The following NEB variants were observed in gnomAD, a reference collection of about 807,000 sequenced individuals.
NEB encodes nebulin.
Under a neutral mutation model 952.2 loss-of-function variants are expected in NEB, and 512 were observed. The observed-to-expected ratio is 0.54, with a 90% CI of 0.50 to 0.58. The LOEUF is 0.58. NEB is among the 20% of genes least tolerant of loss of function. The probability of loss-of-function intolerance (pLI) is 0.00; values close to 1 mark genes in which losing one functional copy is unlikely to be tolerated. For missense variants in NEB, 8,428 were observed against 9,231.1 expected, an observed-to-expected ratio of 0.91 and a Z score of 3.56; for synonymous variants, 2,900 against 3,149.8, an observed-to-expected ratio of 0.92 and a Z score of 2.66.
chr2:151,691,912 T>C lies in NEB; in HGVS notation c.2163A>G (p.Thr721=), dbSNP rs1167093176. The change falls in exon 23 of 182, where the codon ACA becomes ACG. Residue 721 remains threonine, a synonymous_variant. Transcript: ENST00000397345. ...EDKGKCYFPQ[T]ITQEYEAIKK... ...TGATTGCTTCATATTCTTGTGTTAT[T>C]GTCTGAGGGAAATAGCATTTTCCTT... 5 of 1,607,330 alleles carry C rather than the reference T, an allele frequency of 3.1e-6. No homozygotes were observed. The highest frequency in any genetic ancestry group is 4.3e-6 in the Non-Finnish European group (5 of 1,175,918).
rs370518330 is a variant in NEB at position 151,516,496 on chromosome 2, T to A, written c.22868A>T (p.Tyr7623Phe). 1 of 1,613,422 alleles carries A rather than the reference T, an allele frequency of 6.2e-7. No homozygotes were observed. Among genetic ancestry groups the A allele is most frequent in the Non-Finnish European group, 8.5e-7 (1 of 1,179,590 alleles). ...CTGCTGAGACTCTTTGGCAGTGATG[T>A]ACGTTGGTGTTTCAAAGTCCAGCAT... is the stretch of plus-strand genomic sequence containing the variant. ...KPMLDFETPT[Y>F]ITAKESQQMQ... Residue 7623 changes from tyrosine (Y) to phenylalanine (F), a missense_variant, in exon 157 of 182, where the codon TAC becomes TTC. Transcript: ENST00000397345.
intron 9 of NEB, among the ~76,000 whole-genome samples, chr2:151,720,869 T>C (rs2099772339): frequency 6.6e-6 from 1 of 152,228 alleles, no homozygotes; most frequent in Non-Finnish European, 1.5e-5. Context: ...TTTGTTCTGA[T>C]GACTCTCAAA....
rs770338556 is a variant in NEB, at chr2:151,644,113, C to T, written c.7661G>A (p.Gly2554Asp). The change falls in exon 57 of 182, where the codon GGC becomes GAC. Residue 2554 changes from glycine (G) to aspartate (D), a missense_variant. Physicochemically the swap from Gly to Asp is moderately conservative, Grantham distance 94. Coordinates refer to ENST00000397345, the MANE Select transcript of NEB (RefSeq NM_001164508.2). ...GTGGTGGCCGAGCTGCTTGCGAAAG[C>T]CTTCCTTGTACTTGTACTAGAGAAA... ...EIASEYKYKE[G>D]FRKQLGHHIG... 19 of 1,613,702 alleles carry T rather than the reference C, an allele frequency of 1.2e-5. No individual in the cohort carries two copies. The highest frequency in any genetic ancestry group is 1.5e-5 in the Non-Finnish European group (18 of 1,179,774).
At position 151,671,081 on chromosome 2, in the gene NEB, C is replaced by T. The variant is rs1417148362; in HGVS notation, c.4448G>A (p.Ser1483Asn). 6.2e-7 allele frequency: 1 copy of T among 1,614,022 alleles called. No individual in the cohort carries two copies. The highest frequency in any genetic ancestry group is 1.1e-5 in the South Asian group (1 of 91,080). ...RQHPDTVKFT[S>N]VPDSMGMVLA... is the part of the protein sequence containing the mutation. ...CACCATGCCCATGGAATCAGGCACACTTGTGAACTTGACGGTATCTGGGTG... is the reference window on the plus strand; with the variant it reads ...CACCATGCCCATGGAATCAGGCACATTTGTGAACTTGACGGTATCTGGGTG... Residue 1483 changes from serine (S) to asparagine (N), a missense_variant, in exon 38 of 182, where the codon AGT becomes AAT. Ser to Asn is a conservative substitution (Grantham distance 46). Transcript: ENST00000397345.
chr2:151,500,032 AAGAAAATAATT>A (rs1207313106), intron 168 of NEB, among the ~76,000 whole-genome samples: 2 of 152,246 alleles, frequency 1.3e-5, no homozygotes, highest in African/African-American at 4.8e-5. Flanking sequence ...TGTAGTATAC[AAGAAAATAATT>A]AGAAAATAAT....
Position 151,656,217 on chromosome 2 carries a change from T to C in NEB, c.6431A>G (p.Tyr2144Cys). Residue 2144 changes from tyrosine to cysteine, a missense_variant, in exon 49 of 182, where the codon TAC becomes TGC. Around this residue, in one of 11 missense-constraint regions of NEB, gnomAD observed 2,851 missense variants for 2,791.5 expected, o/e 1.02. Transcript: ENST00000397345. ...NTNYKHLIHKYILLPDAMNIE... is the reference protein window; with the variant it reads ...NTNYKHLIHKCILLPDAMNIE... ...GTTCATTGCATCTGGAAGGAGGATG[T>C]ACTTGTGAATCAGGTGCTTGTAGTT... 6.2e-7 allele frequency: 1 copy of C among 1,612,786 alleles called. No homozygotes were observed. The highest frequency in any genetic ancestry group is 8.5e-7 in the Non-Finnish European group (1 of 1,179,114).
chr2:151,702,625 C>T (rs2099679219), intron 13 of NEB, among the ~76,000 whole-genome samples: 1 of 151,766 alleles, frequency 6.6e-6, no homozygotes, highest in Non-Finnish European at 1.5e-5. Context: ...ATGTAATGGC[C>T]TTCTTTGTCT....
intron 144 of NEB, among the ~76,000 whole-genome samples, 193 bp from the exon 145 acceptor site, chr2:151,531,294 C>CTCTTTTTTTCTT: frequency 6.8e-6 from 1 of 147,280 alleles, no homozygotes; most frequent in African/African-American, 2.5e-5. Flanking sequence ...CACAACAACT[C>CTCTTTTTTTCTT]TCTTTTTTTC....
rs2098649220 is a variant in NEB, at chr2:151,630,677, CA to C, written c.9723+37del. On this transcript the variant is annotated intron_variant, in intron 67 of 181. Coordinates refer to ENST00000397345, the MANE Select transcript of NEB (RefSeq NM_001164508.2). The stretch of plus-strand genomic sequence containing the variant: ...TCTCCACAAAACTAAGTATAGACAC[CA>C]CCACCACAATATAGCACCACAGATT... 2.7e-6 allele frequency: 4 copies of C among 1,498,886 alleles called. No homozygotes were observed. The East Asian group carries it at 9.3e-5, about 35-fold the overall frequency. 92.8% of individuals were successfully genotyped at this position (1,498,886 alleles called of 1,614,324 possible). A position where few individuals can be genotyped will look rare whatever the true frequency, so the allele number is the denominator to read the frequency against.
chr2:151,642,296 G>T (rs2098877525), intron 60 of NEB, among the ~76,000 whole-genome samples: 1 of 152,136 alleles, frequency 6.6e-6, no homozygotes, highest in African/African-American at 2.4e-5. Context: ...CATTGGAAAA[G>T]CCAAAAAAAT....
At chr2:151,514,053 A>G (rs1376004391) in intron 159 of NEB, among the ~76,000 whole-genome samples, 1 of 152,086 alleles carries the variant, frequency 6.6e-6, no homozygotes, top group Non-Finnish European at 1.5e-5. Flanking sequence ...GTAGATGAGC[A>G]CACCAAATAT....
In NEB at chr2:151,513,698, A is replaced by G. The variant is rs1349957816; in HGVS notation, c.23128-5T>C. 4 of 1,569,232 alleles carry G rather than the reference A, an allele frequency of 2.5e-6. No individual in the cohort carries two copies. In the Admixed American group the frequency reaches 5.4e-5, roughly 21 times the overall value. ...CAGGTCTCGCTTATATTCTTTCTAT[A>G]GTAGCATTAAAAGAAAAAAAAAAGG... On this transcript the variant is annotated splice_region_variant and splice_polypyrimidine_tract_variant and intron_variant, in intron 159 of 181. Coordinates refer to ENST00000397345, the MANE Select transcript of NEB (RefSeq NM_001164508.2).
chr2:151,632,110 C>T (rs1259883325), intron 65 of NEB, among the ~76,000 whole-genome samples: 2 of 152,076 alleles, frequency 1.3e-5, no homozygotes, highest in South Asian at 4.1e-4. Context: ...AGGATGGAAG[C>T]ACAGACACCT....
intron 124 of NEB, among the ~76,000 whole-genome samples, 162 bp downstream of exon 124, chr2:151,560,430 A>G (rs141962711): frequency 6.6e-6 from 1 of 152,286 alleles, no homozygotes; most frequent in East Asian, 1.9e-4. Flanking sequence ...GTGAGCACAT[A>G]GACTCTAATG....
chr2:151,516,744 G>T (rs1260161763), intron 156 of NEB, among the ~76,000 whole-genome samples, 181 bp from the exon 157 acceptor site: 1 of 152,154 alleles, frequency 6.6e-6, no homozygotes, highest in Non-Finnish European at 1.5e-5. Flanking sequence ...GTGTTGAGGG[G>T]ATGGGTACCA....
intron 65 of NEB, among the ~76,000 whole-genome samples, chr2:151,632,594 T>C (rs932717330): frequency 6.7e-6 from 1 of 149,882 alleles, no homozygotes; most frequent in African/African-American, 2.5e-5. Context: ...GAGAATCACT[T>C]GAACCCGGGA....
At position 151,673,436 on chromosome 2, in the gene NEB, TA is replaced by T. The variant is rs35236177; in HGVS notation, c.3988-757del. Among the ~76,000 whole-genome samples, 569 of 131,734 alleles carry T rather than the reference TA, an allele frequency of 4.3e-3. 1 individual carries two copies. Among genetic ancestry groups the T allele is most frequent in the East Asian group, 0.021 (97 of 4,664 alleles). The allele number at this position is 131,734 out of a possible 152,430, so 86.4% of individuals were successfully genotyped here. The stretch of plus-strand genomic sequence containing the variant: ...ATGTGAAAAATCACTGTGTAAGTGC[TA>T]AAAAAAAAAAAAGAAAAAAAAAGAA... On this transcript the variant is annotated intron_variant, in intron 36 of 181. Coordinates refer to ENST00000397345, the MANE Select transcript of NEB (RefSeq NM_001164508.2).
In NEB at chr2:151,656,196, A is replaced by G; in HGVS notation, c.6452T>C (p.Met2151Thr). 1.2e-6 allele frequency: 2 copies of G among 1,609,296 alleles called. No homozygotes were observed. Among genetic ancestry groups the G allele is most frequent in the Non-Finnish European group, 8.5e-7 (1 of 1,177,026 alleles). ...IHKYILLPDA[M>T]NIELTRNMNR... Reference sequence around the variant, plus strand: ...CATATTCCTGGTCAGCTCAATGTTCATTGCATCTGGAAGGAGGATGTACTT... The same window carrying G: ...CATATTCCTGGTCAGCTCAATGTTCGTTGCATCTGGAAGGAGGATGTACTT... The change falls in exon 49 of 182, where the codon ATG becomes ACG. Residue 2151 changes from methionine (M) to threonine (T), a missense_variant. Met to Thr is a moderately conservative substitution (Grantham distance 81, BLOSUM62 -1). Transcript: ENST00000397345.
chr2:151,548,675 G>C (rs1429959844), intron 130 of NEB, among the ~76,000 whole-genome samples: 1 of 152,202 alleles, frequency 6.6e-6, no homozygotes, highest in East Asian at 1.9e-4. Flanking sequence ...TATGCAAAAT[G>C]CCAGAGAAAA....
Sources: gnomAD v4.1 joint callset for allele counts (sites outside exome capture counted in the v4.1 genomes callset) on GRCh38, gnomAD v4.1.1 for gene constraint, gnomAD v4.1.1 regional missense constraint, MANE v1.5 for transcripts, NCBI Gene and HGNC (gene_info 2026-07-23, HGNC 2026-07-21) for gene names.